Variants in CDH18 observed in about 807,000 individuals in gnomAD.
The protein encoded by CDH18 is cadherin-18.
A neutral mutation model predicts 67.9 loss-of-function variants in CDH18; 31 were observed. The ratio of observed to expected loss-of-function variants is 0.46; its 90% CI spans 0.34 to 0.62. CDH18 has a LOEUF of 0.62. Ranked by LOEUF, CDH18 falls within the 20% of genes least tolerant of loss-of-function variation. The pLI is 0.01. For synonymous variants in CDH18, 362 were observed against 347.2 expected (o/e 1.04, Z -0.48); for missense variants, 890 against 975.5 (o/e 0.91, Z 1.17).
chr5:20,172,222 ATG>A (rs1491580127), intron 2 of CDH18, among the ~76,000 whole-genome samples: 155 of 39,546 alleles, frequency 3.9e-3, no homozygotes, highest in African/African-American at 0.012. Flanking sequence ...ATATATATAT[ATG>A]TATATATATA....
chr5:20,069,480 T>G (rs917719132), intron 2 of CDH18, among the ~76,000 whole-genome samples: 1 of 152,012 alleles, frequency 6.6e-6, no homozygotes, highest in Admixed American at 6.6e-5. Context: ...TAGCACCATC[T>G]CAGCTCACTG....
chr5:19,910,589 G>T (rs1481601752), intron 2 of CDH18, among the ~76,000 whole-genome samples: 1 of 152,006 alleles, frequency 6.6e-6, no homozygotes, highest in Non-Finnish European at 1.5e-5. Context: ...AAGATTTATA[G>T]GCACTATGGG....
chr5:19,938,667 A>T (rs1337091140), intron 2 of CDH18, among the ~76,000 whole-genome samples: 1 of 151,496 alleles, frequency 6.6e-6, no homozygotes, highest in Admixed American at 6.6e-5. Flanking sequence ...CAGGACATAA[A>T]GTATATATCT....
intron 1 of CDH18, among the ~76,000 whole-genome samples, chr5:20,475,291 T>G (rs1286877657): frequency 2.0e-5 from 3 of 152,194 alleles, no homozygotes; most frequent in Non-Finnish European, 4.4e-5. Context: ...TGCTGATTTT[T>G]TTTTATGTTC....
chr5:20,320,355 CA>C (rs1454088039), intron 1 of CDH18, among the ~76,000 whole-genome samples: 2 of 151,462 alleles, frequency 1.3e-5, no homozygotes, highest in South Asian at 2.1e-4. Context: ...TTGTCACACA[CA>C]AAAAAAAGAA....
At chr5:20,186,135 T>C (rs2126701263) in intron 2 of CDH18, among the ~76,000 whole-genome samples, 1 of 152,060 alleles carries the variant, frequency 6.6e-6, no homozygotes, top group East Asian at 1.9e-4. Flanking sequence ...CCTTAAAGCA[T>C]AAACAAAATT....
At chr5:19,891,250 TAG>T (rs1343850646) in intron 2 of CDH18, among the ~76,000 whole-genome samples, 1 of 152,164 alleles carries the variant, frequency 6.6e-6, no homozygotes. Flanking sequence ...GCTGATTTTA[TAG>T]TTTCACTTTC....
At chr5:20,459,007 C>T (rs1751038363) in intron 1 of CDH18, among the ~76,000 whole-genome samples, 1 of 149,070 alleles carries the variant, frequency 6.7e-6, no homozygotes, top group African/African-American at 2.5e-5. Flanking sequence ...AAAGTGTATA[C>T]ATTTGAGCAC....
intron 9 of CDH18, among the ~76,000 whole-genome samples, chr5:19,526,015 T>C (rs1747701980): frequency 6.6e-6 from 1 of 152,174 alleles, no homozygotes; most frequent in African/African-American, 2.4e-5. Context: ...CATGCAAACA[T>C]AAATATAAAT....
chr5:19,640,695 T>C (rs1753872485), intron 5 of CDH18, among the ~76,000 whole-genome samples: 1 of 151,682 alleles, frequency 6.6e-6, no homozygotes, highest in South Asian at 2.1e-4. Context: ...GCAAAAGCAG[T>C]CCCAAGAAGA....
chr5:20,230,682 T>C (rs1186815841), intron 2 of CDH18, among the ~76,000 whole-genome samples: 1 of 152,172 alleles, frequency 6.6e-6, no homozygotes, highest in Non-Finnish European at 1.5e-5. Context: ...GGGGATATTA[T>C]GTTTTAACTA....
chr5:20,404,592 A>C (rs1746063681), intron 1 of CDH18, among the ~76,000 whole-genome samples: 1 of 152,120 alleles, frequency 6.6e-6, no homozygotes, highest in Non-Finnish European at 1.5e-5. Context: ...CATAACACAC[A>C]CAGGATTTAT....
At chr5:19,929,251 G>A (rs536715059) in intron 2 of CDH18, among the ~76,000 whole-genome samples, 2 of 152,034 alleles carry the variant, frequency 1.3e-5, no homozygotes, top group Non-Finnish European at 2.9e-5. Flanking sequence ...CAAAAGACAG[G>A]CCTTTTAATC....
chr5:20,187,741 T>A (rs1580434576), intron 2 of CDH18, among the ~76,000 whole-genome samples: 1 of 151,904 alleles, frequency 6.6e-6, no homozygotes, highest in Admixed American at 6.6e-5. Flanking sequence ...GTATTATGCT[T>A]TATTTTATAT....
chr5:19,879,122 T>C (rs1787346927), intron 2 of CDH18, among the ~76,000 whole-genome samples: 1 of 152,056 alleles, frequency 6.6e-6, no homozygotes, highest in Non-Finnish European at 1.5e-5. Context: ...TTTCTTCAGC[T>C]AAAGTTATCT....
chr5:19,603,060 A>G (rs577080417), intron 6 of CDH18, among the ~76,000 whole-genome samples: 1 of 152,326 alleles, frequency 6.6e-6, no homozygotes, highest in East Asian at 1.9e-4. Flanking sequence ...GTGGGGTGTT[A>G]CACCCATATT....
At chr5:19,670,168 T>C (rs1758542914) in intron 5 of CDH18, among the ~76,000 whole-genome samples, 2 of 152,052 alleles carry the variant, frequency 1.3e-5, no homozygotes, top group South Asian at 4.2e-4. Context: ...AAGGAAAAAA[T>C]AAGGCTTATA....
intron 1 of CDH18, among the ~76,000 whole-genome samples, chr5:20,490,615 T>C (rs1753530797): frequency 1.3e-5 from 2 of 152,134 alleles, no homozygotes; most frequent in Admixed American, 6.6e-5. Context: ...CCCACATTTG[T>C]TCAAGAGGAG....
At chr5:20,249,929 AT>A (rs35922258) in intron 2 of CDH18, among the ~76,000 whole-genome samples, 12 of 150,710 alleles carry the variant, frequency 8.0e-5, no homozygotes, top group African/African-American at 1.9e-4. Flanking sequence ...CACATTGGTG[AT>A]TTTTTTTTTA....
Sources: gnomAD v4.1 joint callset for allele counts (sites outside exome capture counted in the v4.1 genomes callset) on GRCh38, gnomAD v4.1.1 for gene constraint, MANE v1.5 for transcripts, NCBI Gene and HGNC (gene_info 2026-07-23, HGNC 2026-07-21) for gene names.